ZNF425: variants seen among roughly 807,000 people sequenced by gnomAD.
The protein encoded by ZNF425 is zinc finger protein 425.
Under a neutral mutation model 17.0 loss-of-function variants are expected in ZNF425, and 21 were observed. That is an observed-to-expected ratio of 1.23 (90% CI 0.88 to 1.78). The LOEUF (loss-of-function observed/expected upper bound fraction) is 1.78. ZNF425 is among the 40% of genes most tolerant of loss of function. The probability of loss-of-function intolerance (pLI) is 0.00; values close to 1 mark genes in which losing one functional copy is unlikely to be tolerated. For synonymous variants in ZNF425, 433 were observed against 384.1 expected, an observed-to-expected ratio of 1.13 and a Z score of -1.49; for missense variants, 868 against 967.3, an observed-to-expected ratio of 0.90 and a Z score of 1.36.
intron 3 of ZNF425, among the ~76,000 whole-genome samples, chr7:149,106,008 T>G (rs1238691990): frequency 7.1e-6 from 1 of 140,434 alleles, no homozygotes; most frequent in Non-Finnish European, 1.5e-5. Context: ...CAGGCTGGAG[T>G]GCAGTGGCAC....
Position 149,112,198 on chromosome 7 carries a change from T to A in ZNF425, c.243A>T (p.Thr81=). The change falls in exon 3 of 4, where the codon ACA becomes ACT. Residue 81 remains threonine, a synonymous_variant. Transcript: ENST00000378061. The part of the protein sequence containing the change: ...EQGCLDKTRR[T]TSPPTDEQLN... ...ACTGTTCATCAGTAGGAGGGCTAGT[T>A]GTCCTTCTTGTTTTATCTAAGCATC... 1 of 1,614,100 alleles carries A rather than the reference T, an allele frequency of 6.2e-7. No individual in the cohort carries two copies.
intron 2 of ZNF425, chr7:149,113,420 C>CTG (rs3084478): frequency 0.92 from 139,592 of 152,014 alleles, 64,144 homozygotes; most frequent in East Asian, 1. Context: ...CTTACCAAGA[C>CTG]TTTAGTTCAG....
At chr7:149,111,627 T>TA (rs200074130) in intron 3 of ZNF425, among the ~76,000 whole-genome samples, 1,822 of 130,950 alleles carry the variant, frequency 0.014, 52 homozygotes, top group African/African-American at 0.049. Context: ...AAAAATTATA[T>TA]ATCTATATAA....
intron 1 of ZNF425, among the ~76,000 whole-genome samples, chr7:149,122,343 C>T (rs1826371742): frequency 6.6e-6 from 1 of 151,636 alleles, no homozygotes; most frequent in Admixed American, 6.6e-5. Context: ...TCTGAAACTC[C>T]AGGGCTCAAG....
chr7:149,119,593 G>T (rs559346445), intron 1 of ZNF425, among the ~76,000 whole-genome samples: 4 of 152,116 alleles, frequency 2.6e-5, no homozygotes, highest in Non-Finnish European at 4.4e-5. Context: ...GTATTCACAG[G>T]TTCCACATCC....
intron 1 of ZNF425, among the ~76,000 whole-genome samples, chr7:149,125,253 A>G (rs1826441142): frequency 6.6e-6 from 1 of 152,194 alleles, no homozygotes; most frequent in Non-Finnish European, 1.5e-5. Flanking sequence ...CACAAGAAAA[A>G]CTTGCACACT....
intron 3 of ZNF425, among the ~76,000 whole-genome samples, chr7:149,110,032 A>G (rs1278982825): frequency 6.6e-6 from 1 of 151,344 alleles, no homozygotes; most frequent in African/African-American, 2.4e-5. Context: ...GCCTGCCACC[A>G]CACCTGACTA....
intron 2 of ZNF425, among the ~76,000 whole-genome samples, chr7:149,115,861 A>G (rs1826258635): frequency 6.6e-6 from 1 of 152,172 alleles, no homozygotes; most frequent in African/African-American, 2.4e-5. Flanking sequence ...CACCTCAAGT[A>G]CTTGTGAAAA....
chr7:149,104,784 A>G lies in ZNF425; in HGVS notation c.1087T>C (p.Cys363Arg), dbSNP rs1337372607. Reference protein sequence around the residue: ...SGKRPFHCPECGRSFSRKAAL... With the variant: ...SGKRPFHCPERGRSFSRKAAL... ...GCCTTCCGGGAGAAGCTCCGGCCAC[A>G]CTCGGGACAGTGGAAGGGCCTCTTC... Residue 363 changes from cysteine (C) to arginine (R), a missense_variant, in exon 4 of 4, where the codon TGT (cysteine) becomes CGT (arginine). Coordinates refer to ENST00000378061, the MANE Select transcript of ZNF425 (RefSeq NM_001001661.3). The surrounding 1 kb of genome is among the most constrained non-coding windows in gnomAD (Gnocchi z 4.3). 1.9e-6 allele frequency: 3 copies of G among 1,613,590 alleles called. No individual in the cohort carries two copies. Among genetic ancestry groups the G allele is most frequent in the South Asian group, 1.1e-5 (1 of 91,064 alleles).
In ZNF425 at chr7:149,126,285, A is replaced by C. The variant is rs957351203; in HGVS notation, c.-72T>G. 8 of 1,567,498 alleles carry C rather than the reference A, an allele frequency of 5.1e-6. No homozygotes were observed. The highest frequency in any genetic ancestry group is 1.4e-5 in the African/African-American group (1 of 73,310). On this transcript the variant is annotated 5_prime_UTR_variant, in exon 1 of 4. Transcript: ENST00000378061. ...CTCCGCCCCAACCCAACTCCCAGGTACAGCCCTGCTGGCCCCCAAAGGCAG... is the reference window on the plus strand; with the variant it reads ...CTCCGCCCCAACCCAACTCCCAGGTCCAGCCCTGCTGGCCCCCAAAGGCAG...
intron 2 of ZNF425, among the ~76,000 whole-genome samples, chr7:149,114,792 AAAAAAAG>A (rs1359369597): frequency 6.6e-6 from 1 of 151,206 alleles, no homozygotes; most frequent in African/African-American, 2.4e-5. Context: ...GTAAAAAAAA[AAAAAAAG>A]AAAAGAAAAG....
intron 1 of ZNF425, 107 bp downstream of exon 1, chr7:149,126,089 C>G: frequency 6.3e-7 from 1 of 1,578,896 alleles, no homozygotes; most frequent in Non-Finnish European, 8.6e-7. Context: ...CTGCCAACCC[C>G]CAGGCCCAGG....
rs190487664 is a variant in ZNF425 at position 149,112,011 on chromosome 7, A to G, written c.304+126T>C. The G allele has an allele frequency of 5.2e-5, 50 of 966,026 alleles. No homozygotes were observed. The Admixed American group carries it at 1.3e-3, about 25-fold the overall frequency. The allele number at this position is 966,026 out of a possible 1,614,324, so 59.8% of individuals were successfully genotyped here. ...TTTGCTACCCTCTTGAGTAAAGAAA[A>G]CTAACATTCTCCATCAAAACAACTT... On this transcript the variant is annotated intron_variant, in intron 3 of 3. Transcript: ENST00000378061.
intron 3 of ZNF425, among the ~76,000 whole-genome samples, chr7:149,109,602 G>C (rs1303986900): frequency 6.6e-6 from 1 of 152,040 alleles, no homozygotes; most frequent in Non-Finnish European, 1.5e-5. Context: ...ATTTTATTAA[G>C]TCATATGCAA....
chr7:149,104,323 G>A lies in ZNF425; in HGVS notation c.1548C>T (p.His516=), dbSNP rs753204101. The A allele has an allele frequency of 5.0e-6, 8 of 1,613,334 alleles. No homozygotes were observed. The highest frequency in any genetic ancestry group is 1.3e-5 in the African/African-American group (1 of 74,930). ...TFSQQSRLTQ[H]LKVHTTEKPF... ...GCTTTTCCGTGGTGTGGACCTTCAG[G>A]TGCTGCGTGAGCCGCGACTGCTGAG... Residue 516 remains histidine, a synonymous_variant, in exon 4 of 4, where the codon CAC becomes CAT. Coordinates refer to ENST00000378061, the MANE Select transcript of ZNF425 (RefSeq NM_001001661.3). This position sits in a 1 kb window ranked among gnomAD's most constrained non-coding sequence, Gnocchi z 4.3.
chr7:149,107,472 G>T (rs940844728), intron 3 of ZNF425, among the ~76,000 whole-genome samples: 21 of 151,644 alleles, frequency 1.4e-4, no homozygotes, highest in African/African-American at 5.1e-4. Flanking sequence ...TGAGTAGCTG[G>T]GACTACAGGC....
At chr7:149,120,941 G>A (rs1262109838) in intron 1 of ZNF425, among the ~76,000 whole-genome samples, 1 of 152,254 alleles carries the variant, frequency 6.6e-6, no homozygotes, top group Admixed American at 6.6e-5. Flanking sequence ...TCATGTACAG[G>A]ATTTGGGGTG....
Position 149,105,094 on chromosome 7 carries a change from G to T in ZNF425, c.777C>A (p.Gly259=). The change falls in exon 4 of 4, where the codon GGC becomes GGA. Residue 259 remains glycine (G), a synonymous_variant. Transcript: ENST00000378061. ...SECEKSYFLK[G]SLVTHQVVHT... is the part of the protein sequence containing the mutation. ...GGACAACCTGATGAGTGACGAGGCT[G>T]CCCTTCAGGAAGTAGCTCTTCTCAC... is the stretch of plus-strand genomic sequence containing the variant. 6.2e-7 allele frequency: 1 copy of T among 1,614,196 alleles called. No homozygotes were observed. Among genetic ancestry groups the T allele is most frequent in the Non-Finnish European group, 8.5e-7 (1 of 1,180,026 alleles).
At chr7:149,112,864 C>T (rs13226831) in intron 2 of ZNF425, among the ~76,000 whole-genome samples, 11,608 of 151,624 alleles carry the variant, frequency 0.077, 455 homozygotes, top group Middle Eastern at 0.097. Context: ...AGCGTTTTGC[C>T]ACGTTGCCCA....
Sources: gnomAD v4.1 joint callset for allele counts (sites outside exome capture counted in the v4.1 genomes callset) on GRCh38, gnomAD v4.1.1 for gene constraint, Gnocchi (gnomAD v3.1) non-coding constraint, MANE v1.5 for transcripts, NCBI Gene and HGNC (gene_info 2026-07-23, HGNC 2026-07-21) for gene names.